PCAT7: variants seen among roughly 807,000 people sequenced by gnomAD.
PCAT7 encodes the protein prostate cancer associated transcript 7, also known as prostate cancer associated transcript 7 (non-protein coding).
intron 1 of PCAT7, among the ~76,000 whole-genome samples, chr9:94,555,708 C>T (rs559811760): frequency 1.3e-5 from 2 of 150,154 alleles, no homozygotes; most frequent in East Asian, 2.0e-4. Context: ...GGGTAACCAG[C>T]GGGAGGAAGA....
intron 2 of PCAT7, among the ~76,000 whole-genome samples, chr9:94,560,978 G>C (rs2131439323): frequency 6.6e-6 from 1 of 152,084 alleles, no homozygotes; most frequent in Non-Finnish European, 1.5e-5. Context: ...AAAAGTTGTG[G>C]TGCATGCGGG....
chr9:94,565,092 G>A (rs1349941869), intron 2 of PCAT7, among the ~76,000 whole-genome samples: 1 of 151,972 alleles, frequency 6.6e-6, no homozygotes, highest in African/African-American at 2.4e-5. Flanking sequence ...TAAAACAATG[G>A]GTCTGGCATG....
chr9:94,574,598 T>A lies in PCAT7; in HGVS notation n.512+1549T>A, dbSNP rs546557839. On this transcript the variant is annotated intron_variant and non_coding_transcript_variant, in intron 3 of 8. Transcript: ENST00000647389. ...TCCTCGATTGTCATTGCCTTCTTAT[T>A]TATGGTGCCTGTTTTTGCAGTGCAG... Among the ~76,000 whole-genome samples the A allele has an allele frequency of 5.9e-5, 9 of 152,312 alleles. No individual in the cohort carries two copies. In the South Asian group the frequency reaches 1.9e-3, roughly 32 times the overall value.
chr9:94,565,736 TGATAGATA>T (rs34525238), intron 2 of PCAT7, among the ~76,000 whole-genome samples: 1 of 150,204 alleles, frequency 6.7e-6, no homozygotes, highest in Admixed American at 6.6e-5. Context: ...GGTAGATAGA[TGATAGATA>T]GATAGATAGA....
At chr9:94,570,463 A>T (rs1422922403) in intron 2 of PCAT7, 5 of 152,248 alleles carry the variant, frequency 3.3e-5, no homozygotes, top group Non-Finnish European at 7.3e-5. Context: ...TGACATTTAA[A>T]TGCATTAATA....
chr9:94,564,469 C>G (rs1827156912), intron 2 of PCAT7, among the ~76,000 whole-genome samples: 1 of 152,158 alleles, frequency 6.6e-6, no homozygotes, highest in South Asian at 2.1e-4. Flanking sequence ...CAATGGAATA[C>G]TATGCAGCCA....
At chr9:94,559,566 G>A (rs972361517) in intron 2 of PCAT7, among the ~76,000 whole-genome samples, 7 of 150,438 alleles carry the variant, frequency 4.7e-5, no homozygotes, top group Non-Finnish European at 8.8e-5. Context: ...TGACCATGCC[G>A]GCTTGTCTCT....
intron 2 of PCAT7, chr9:94,570,121 C>T (rs1827251484): frequency 6.6e-6 from 1 of 152,220 alleles, no homozygotes; most frequent in Admixed American, 6.5e-5. Context: ...TGGTGCCCAC[C>T]TATGTCCAGA....
intron 2 of PCAT7, among the ~76,000 whole-genome samples, chr9:94,564,800 C>T (rs1827162403): frequency 6.6e-6 from 1 of 152,044 alleles, no homozygotes; most frequent in South Asian, 2.1e-4. Flanking sequence ...ACAACTACCC[C>T]TGAATCTAAA....
At chr9:94,563,986 A>C (rs1397431526) in intron 2 of PCAT7, among the ~76,000 whole-genome samples, 1 of 152,206 alleles carries the variant, frequency 6.6e-6, no homozygotes. Flanking sequence ...CAGATTCATA[A>C]AGCAAGTCCT....
intron 2 of PCAT7, chr9:94,567,158 G>T: frequency 1.9e-6 from 2 of 1,055,504 alleles, no homozygotes; most frequent in Non-Finnish European, 1.4e-6. Context: ...ACTGACCACA[G>T]CCATAAACAG....
At chr9:94,564,506 CA>C (rs1217775531) in intron 2 of PCAT7, among the ~76,000 whole-genome samples, 1 of 152,168 alleles carries the variant, frequency 6.6e-6, no homozygotes, top group Non-Finnish European at 1.5e-5. Flanking sequence ...CATGTTTTTG[CA>C]GGAACATGGG....
At chr9:94,563,337 A>C (rs1172348642) in intron 2 of PCAT7, 2 of 1,613,482 alleles carry the variant, frequency 1.2e-6, no homozygotes, top group Non-Finnish European at 1.7e-6. Flanking sequence ...ACAAGGGAGA[A>C]TTACCTTGCC....
intron 2 of PCAT7, chr9:94,571,687 C>A: frequency 8.1e-7 from 1 of 1,237,428 alleles, no homozygotes; most frequent in African/African-American, 1.5e-5. Flanking sequence ...CAGATCTCCT[C>A]GAATCACTGA....
intron 2 of PCAT7, among the ~76,000 whole-genome samples, chr9:94,566,038 T>A (rs1166391457): frequency 1.3e-5 from 2 of 152,218 alleles, no homozygotes; most frequent in African/African-American, 4.8e-5. Context: ...ACCGTAGAGT[T>A]CTTCTCCACC....
chr9:94,566,692 C>T (rs1827194618), intron 2 of PCAT7, among the ~76,000 whole-genome samples: 1 of 152,156 alleles, frequency 6.6e-6, no homozygotes, highest in Non-Finnish European at 1.5e-5. Context: ...CTTGGCAGGG[C>T]ACCCATTTTT....
At chr9:94,554,897 C>G (rs139586456), upstream of PCAT7, among the ~76,000 whole-genome samples, 5 of 152,160 alleles carry the variant, frequency 3.3e-5, no homozygotes, top group Non-Finnish European at 7.3e-5. Flanking sequence ...AATGACGCGC[C>G]GCTGCCTCAG....
chr9:94,573,447 G>A (rs1006209348), intron 3 of PCAT7, among the ~76,000 whole-genome samples: 3 of 152,008 alleles, frequency 2.0e-5, no homozygotes, highest in African/African-American at 7.3e-5. Flanking sequence ...TTTTTGAGAT[G>A]GGGGTCTTGC....
intron 2 of PCAT7, chr9:94,571,523 C>T (rs1827268920): frequency 6.2e-7 from 1 of 1,614,042 alleles, no homozygotes; most frequent in Non-Finnish European, 8.5e-7. Flanking sequence ...GGTTGCACTA[C>T]CGTACAGCGC....
Sources: allele counts gnomAD v4.1 joint callset (sites outside exome capture counted in the v4.1 genomes callset), GRCh38; gene constraint gnomAD v4.1.1; transcripts MANE v1.5; gene names NCBI Gene and HGNC (gene_info 2026-07-23, HGNC 2026-07-21).